The following DLGAP1 variants were observed in gnomAD, a reference collection of about 807,000 sequenced individuals.
The protein encoded by DLGAP1 is DLG associated protein 1.
In DLGAP1, 11 loss-of-function variants were observed where a neutral mutation model predicts 90.8. The ratio of observed to expected loss-of-function variants is 0.12; its 90% CI spans 0.08 to 0.20. The LOEUF is 0.20. DLGAP1 is among the 10% of genes least tolerant of loss of function. The pLI, the probability that DLGAP1 is intolerant of heterozygous loss-of-function variation, is 1.00. For missense variants in DLGAP1, 1,050 were observed against 1,333.8 expected (o/e 0.79, Z 3.31); for synonymous variants, 558 against 540.7 (o/e 1.03, Z -0.44).
chr18:4,448,374 G>A (rs546090085), intron 1 of DLGAP1, among the ~76,000 whole-genome samples: 4 of 152,108 alleles, frequency 2.6e-5, no homozygotes, highest in Non-Finnish European at 4.4e-5. Context: ...AAGTACCCAG[G>A]AGATGTTACA....
chr18:3,937,811 T>A (rs1175459038), intron 3 of DLGAP1, among the ~76,000 whole-genome samples: 1 of 152,108 alleles, frequency 6.6e-6, no homozygotes, highest in Non-Finnish European at 1.5e-5. Flanking sequence ...ACACATATAA[T>A]AGCGATTAAG....
chr18:3,816,045 C>A (rs2067087789), intron 4 of DLGAP1, among the ~76,000 whole-genome samples: 1 of 152,058 alleles, frequency 6.6e-6, no homozygotes, highest in South Asian at 2.1e-4. Context: ...TACTGCTTAT[C>A]CATTAAAATA....
At chr18:4,086,419 T>C (rs1308720194) in intron 2 of DLGAP1, among the ~76,000 whole-genome samples, 2 of 152,192 alleles carry the variant, frequency 1.3e-5, no homozygotes, top group Non-Finnish European at 2.9e-5. Flanking sequence ...TGAAAACTTA[T>C]TCAATTCACA....
intron 1 of DLGAP1, among the ~76,000 whole-genome samples, chr18:4,451,134 T>C (rs1024308286): frequency 6.6e-6 from 1 of 152,222 alleles, no homozygotes; most frequent in African/African-American, 2.4e-5. Flanking sequence ...TTCTCACTTA[T>C]ACAACAGCTA....
intron 2 of DLGAP1, among the ~76,000 whole-genome samples, chr18:4,014,518 T>C (rs2074487441): frequency 6.6e-6 from 1 of 152,192 alleles, no homozygotes; most frequent in Admixed American, 6.5e-5. Flanking sequence ...CAAAAATTTA[T>C]TGTACACTTC....
Position 4,143,131 on chromosome 18 carries a change from T to C in DLGAP1, c.-159+8049A>G, listed in dbSNP as rs148489188. Among the ~76,000 whole-genome samples the C allele has an allele frequency of 7.4e-3, 1,119 of 152,086 alleles. 7 individuals are homozygous for C. The highest frequency in any genetic ancestry group is 0.012 in the Non-Finnish European group (829 of 67,990). On this transcript the variant is annotated intron_variant, in intron 2 of 12. Coordinates refer to ENST00000315677, the MANE Select transcript of DLGAP1 (RefSeq NM_004746.4). ...CTAACCACTGCCTGGCTACCACGTATATTTGCTCAAGGCCCTAGGGCTCTA... is the reference window on the plus strand; with the variant it reads ...CTAACCACTGCCTGGCTACCACGTACATTTGCTCAAGGCCCTAGGGCTCTA...
intron 7 of DLGAP1, among the ~76,000 whole-genome samples, chr18:3,628,542 G>A (rs146920295): frequency 1.1e-3 from 168 of 152,228 alleles, no homozygotes; most frequent in African/African-American, 3.8e-3. Flanking sequence ...CGTAGGCCAA[G>A]CTATAGAATG....
chr18:3,810,929 C>T (rs1733986928), intron 5 of DLGAP1, among the ~76,000 whole-genome samples: 1 of 152,094 alleles, frequency 6.6e-6, no homozygotes, highest in Non-Finnish European at 1.5e-5. Flanking sequence ...CCTCAGCCTC[C>T]CGAGTAGCTG....
At chr18:3,812,292 T>C (rs1434880311) in intron 5 of DLGAP1, among the ~76,000 whole-genome samples, 1 of 152,164 alleles carries the variant, frequency 6.6e-6, no homozygotes, top group African/African-American at 2.4e-5. Context: ...ACAAATCCAG[T>C]TCTTCTAATT....
At chr18:3,505,098 T>C (rs1335944060) in intron 11 of DLGAP1, among the ~76,000 whole-genome samples, 1 of 150,336 alleles carries the variant, frequency 6.7e-6, no homozygotes, top group Non-Finnish European at 1.5e-5. Context: ...GGTCTGGTTC[T>C]GACCAATCAT....
intron 4 of DLGAP1, among the ~76,000 whole-genome samples, chr18:3,875,721 C>T (rs750658044): frequency 4.6e-5 from 7 of 152,086 alleles, no homozygotes; most frequent in African/African-American, 7.2e-5. Flanking sequence ...AATGAGAGTC[C>T]TGGGACTTCC....
intron 5 of DLGAP1, among the ~76,000 whole-genome samples, chr18:3,765,747 C>A (rs930513805): frequency 6.6e-6 from 1 of 151,920 alleles, no homozygotes; most frequent in East Asian, 2.0e-4. Flanking sequence ...GACAGGAGAA[C>A]TGCTTGAACC....
At chr18:3,745,671 C>G (rs1568059395) in intron 5 of DLGAP1, among the ~76,000 whole-genome samples, 1 of 152,066 alleles carries the variant, frequency 6.6e-6, no homozygotes, top group Non-Finnish European at 1.5e-5. Context: ...TATCTGATCT[C>G]AGCTATATTT....
At chr18:4,436,003 G>A (rs953815056) in intron 1 of DLGAP1, among the ~76,000 whole-genome samples, 2 of 152,138 alleles carry the variant, frequency 1.3e-5, no homozygotes, top group Non-Finnish European at 2.9e-5. Flanking sequence ...GAAAAGTGAT[G>A]AGAACTATCA....
rs541911033 is a variant in DLGAP1, at chr18:3,638,247, C to CT, written c.1592-56000dup. ...CAGGCGTGAGCCACCGTGCCCGGCC[C>CT]TTTTTTTTTTTTTTTTTTGAGGCAG... On this transcript the variant is annotated intron_variant, in intron 7 of 12. Coordinates refer to ENST00000315677, the MANE Select transcript of DLGAP1 (RefSeq NM_004746.4). Among the ~76,000 whole-genome samples the CT allele has an allele frequency of 9.4e-3, 1,217 of 129,844 alleles. 17 individuals are homozygous for CT. Among genetic ancestry groups the CT allele is most frequent in the African/African-American group, 0.029 (1,003 of 34,170 alleles). 85.2% of individuals were successfully genotyped at this position (129,844 alleles called of 152,430 possible).
chr18:3,646,709 G>A (rs1358054553), intron 7 of DLGAP1, among the ~76,000 whole-genome samples: 3 of 152,272 alleles, frequency 2.0e-5, no homozygotes, highest in Non-Finnish European at 4.4e-5. Flanking sequence ...CAGATCACGA[G>A]GTCAGGAGAT....
Position 3,729,366 on chromosome 18 carries a change from TC to T in DLGAP1, c.1359del (p.Met454TrpfsTer3). The T allele has an allele frequency of 6.2e-7, 1 of 1,612,020 alleles. No individual in the cohort carries two copies. Among genetic ancestry groups the T allele is most frequent in the Non-Finnish European group, 8.5e-7 (1 of 1,178,380 alleles). On this transcript the variant is annotated frameshift_variant, in exon 7 of 13. Transcript: ENST00000315677. LOFTEE classifies it high-confidence loss of function. This position sits in a 1 kb window ranked among gnomAD's most constrained non-coding sequence, Gnocchi z 6.2. ...RAMSTISQVS[E>X]MEVNGQFESV... ...GACTCGAACTGCCCGTTCACTTCCA[TC>T]TCGCTCACCTGCGGGCAGACACAGG...
rs189172097 is a variant in DLGAP1 at position 3,933,344 on chromosome 18, G to A, written c.-72-53204C>T. ...CAGTGGGCTGAGAATTGATCATCAC[G>A]GTTCAGGTTGCAGAAATGGAATGTT... On this transcript the variant is annotated intron_variant, in intron 3 of 12. Transcript: ENST00000315677. Among the ~76,000 whole-genome samples the A allele has an allele frequency of 3.0e-3, 463 of 152,278 alleles. 6 individuals are homozygous for A. Among genetic ancestry groups the A allele is most frequent in the Admixed American group, 0.026 (390 of 15,294 alleles).
At chr18:3,654,615 G>A (rs2146499703) in intron 7 of DLGAP1, 1 of 152,302 alleles carries the variant, frequency 6.6e-6, no homozygotes, top group East Asian at 1.9e-4. Flanking sequence ...CTGAAACTCA[G>A]TGCTCAAATT....
Sources: allele counts gnomAD v4.1 joint callset (sites outside exome capture counted in the v4.1 genomes callset), GRCh38; gene constraint gnomAD v4.1.1; non-coding constraint Gnocchi (gnomAD v3.1); transcripts MANE v1.5; gene names NCBI Gene and HGNC (gene_info 2026-07-23, HGNC 2026-07-21).